Variants in UBE2F observed in about 807,000 individuals in gnomAD.
The protein encoded by UBE2F is NEDD8-conjugating enzyme UBE2F.
UBE2F carries 5 observed loss-of-function variants against 29.6 expected under a neutral mutation model. That is an observed-to-expected ratio of 0.17 (90% confidence interval 0.09 to 0.36). The LOEUF is 0.36. UBE2F is among the 10% of genes least tolerant of loss of function. The pLI is 1.00. For missense variants in UBE2F, 141 were observed against 228.5 expected (o/e 0.62, Z 2.47); for synonymous variants, 66 against 81.8 (o/e 0.81, Z 1.04).
At chr2:238,003,531 A>C (rs975362231) in intron 4 of UBE2F, 1 of 377,204 alleles carries the variant, frequency 2.7e-6, no homozygotes, top group African/African-American at 2.1e-5. Context: ...TCCTGAAGTG[A>C]GTATGACATG....
chr2:238,035,821 T>G, intron 8 of UBE2F, 57 bp from the exon 9 acceptor site: 1 of 1,448,924 alleles, frequency 6.9e-7, no homozygotes, highest in Non-Finnish European at 9.6e-7. Flanking sequence ...AAATGAAGAC[T>G]TTAACAGCAG....
At chr2:238,031,031 A>G (rs1378231097) in intron 7 of UBE2F, among the ~76,000 whole-genome samples, 4 of 152,192 alleles carry the variant, frequency 2.6e-5, no homozygotes, top group Non-Finnish European at 4.4e-5. Context: ...GGTGTTGGGT[A>G]CCTAACATCA....
chr2:238,031,991 G>C (rs1468134929), intron 7 of UBE2F, among the ~76,000 whole-genome samples: 2 of 152,226 alleles, frequency 1.3e-5, no homozygotes, highest in Non-Finnish European at 2.9e-5. Context: ...GAGGGTGTCT[G>C]ATGCTATCTT....
chr2:238,025,143 T>G, intron 5 of UBE2F, 199 bp from the exon 6 acceptor site: 2 of 580,680 alleles, frequency 3.4e-6, no homozygotes, highest in Non-Finnish European at 6.3e-6. Flanking sequence ...CTAGCCCTTG[T>G]GGATGCAGCG....
chr2:238,028,034 T>TG (rs2064475520), intron 6 of UBE2F, among the ~76,000 whole-genome samples: 1 of 152,236 alleles, frequency 6.6e-6, no homozygotes, highest in African/African-American at 2.4e-5. Context: ...TTACAGTTCG[T>TG]GGGGTGTCCT....
chr2:237,978,903 C>T (rs1327070329), intron 2 of UBE2F, among the ~76,000 whole-genome samples: 1 of 152,170 alleles, frequency 6.6e-6, no homozygotes, highest in African/African-American at 2.4e-5. Context: ...CCCCCAAACA[C>T]CCCTCAGGGC....
At chr2:238,007,163 C>T (rs1027941202) in intron 4 of UBE2F, among the ~76,000 whole-genome samples, 1 of 152,146 alleles carries the variant, frequency 6.6e-6, no homozygotes, top group Non-Finnish European at 1.5e-5. Flanking sequence ...GCTCTATCGC[C>T]AAGGCTGGAG....
chr2:237,970,462 GC>G (rs1420467333), intron 1 of UBE2F, among the ~76,000 whole-genome samples: 7 of 152,200 alleles, frequency 4.6e-5, no homozygotes, highest in African/African-American at 1.4e-4. Flanking sequence ...GTGGCTTTGG[GC>G]AGCCTACCTT....
At chr2:238,029,833 A>T (rs949848676) in intron 6 of UBE2F, among the ~76,000 whole-genome samples, 1 of 152,168 alleles carries the variant, frequency 6.6e-6, no homozygotes, top group African/African-American at 2.4e-5. Context: ...GCATTAAGTG[A>T]ATTTAATGGC....
intron 4 of UBE2F, among the ~76,000 whole-genome samples, chr2:238,005,603 T>C (rs1326394167): frequency 4.0e-5 from 2 of 49,586 alleles, no homozygotes; most frequent in African/African-American, 2.1e-4. Context: ...TGTAGTTTTC[T>C]GGTTTTTTTT....
chr2:238,014,693 A>C (rs1161735879), intron 4 of UBE2F, among the ~76,000 whole-genome samples: 1 of 152,232 alleles, frequency 6.6e-6, no homozygotes. Flanking sequence ...AACAGTTCAC[A>C]GAGTGGACTG....
intron 1 of UBE2F, among the ~76,000 whole-genome samples, chr2:237,971,871 A>G (rs1007511292): frequency 8.5e-5 from 13 of 152,192 alleles, no homozygotes; most frequent in Non-Finnish European, 5.9e-5. Flanking sequence ...AAGGATGTGC[A>G]TGTGTTGGGG....
At chr2:238,025,249 G>T in intron 5 of UBE2F, 93 bp from the exon 6 acceptor site, 1 of 1,063,882 alleles carries the variant, frequency 9.4e-7, no homozygotes. Flanking sequence ...CATGAAACAA[G>T]CGTCTAGATA....
intron 5 of UBE2F, among the ~76,000 whole-genome samples, chr2:238,022,104 T>C (rs1340764743): frequency 2.6e-5 from 4 of 152,192 alleles, no homozygotes; most frequent in Non-Finnish European, 4.4e-5. Context: ...GTTGTTGTTG[T>C]TGCCATTTTG....
intron 4 of UBE2F, among the ~76,000 whole-genome samples, chr2:237,997,688 G>A (rs865995966): frequency 6.6e-5 from 10 of 152,294 alleles, no homozygotes; most frequent in African/African-American, 1.4e-4. Flanking sequence ...GAAGAATTGC[G>A]TCTGCATTTT....
chr2:238,011,061 G>C (rs1481949225), intron 4 of UBE2F, among the ~76,000 whole-genome samples: 2 of 151,992 alleles, frequency 1.3e-5, no homozygotes, highest in Non-Finnish European at 2.9e-5. Context: ...CTCTCACCTG[G>C]ATGATTACAA....
At chr2:238,025,207 G>A (rs904492265) in intron 5 of UBE2F, 135 bp from the exon 6 acceptor site, 3 of 731,678 alleles carry the variant, frequency 4.1e-6, no homozygotes, top group Non-Finnish European at 7.2e-6. Context: ...TTGAACACGT[G>A]TTCAGCGAGT....
At chr2:237,969,289 G>A (rs1240263145) in intron 1 of UBE2F, among the ~76,000 whole-genome samples, 7 of 151,880 alleles carry the variant, frequency 4.6e-5, no homozygotes, top group African/African-American at 1.2e-4. Flanking sequence ...AGCGTTAAGC[G>A]TAGCCTGCGG....
chr2:237,993,608 G>A (rs1196679240), intron 3 of UBE2F, among the ~76,000 whole-genome samples: 1 of 152,178 alleles, frequency 6.6e-6, no homozygotes, highest in Admixed American at 6.5e-5. Flanking sequence ...TGCTACTCAG[G>A]AGGCTGAGGT....
Sources: gnomAD v4.1 joint callset for allele counts (sites outside exome capture counted in the v4.1 genomes callset) on GRCh38, gnomAD v4.1.1 for gene constraint, MANE v1.5 for transcripts, NCBI Gene and HGNC (gene_info 2026-07-23, HGNC 2026-07-21) for gene names.